The following C2 variants were observed in gnomAD, a reference collection of about 807,000 sequenced individuals.
C2 encodes complement C2, also known as C3/C5 convertase.
A neutral mutation model predicts 85.2 loss-of-function variants in C2; 64 were observed. The observed-to-expected ratio is 0.75, with a 90% CI of 0.61 to 0.92. C2 has a LOEUF of 0.92. C2 is among the 40% of genes least tolerant of loss of function. The pLI is 0.00. For synonymous variants in C2, 311 were observed against 370.8 expected (o/e 0.84, Z 1.85); for missense variants, 820 against 971.6 (o/e 0.84, Z 2.07).
At position 31,945,480 on chromosome 6, in the gene C2, C is replaced by A; in HGVS notation, c.*123C>A. On this transcript the variant is annotated 3_prime_UTR_variant, in exon 18 of 18. Coordinates refer to ENST00000299367, the MANE Select transcript of C2 (RefSeq NM_000063.6). This position sits in a 1 kb window ranked among gnomAD's most constrained non-coding sequence, Gnocchi z 5.3. ...CTCCTAGCTGAGTAAATCCGGGTCTCTAGGATGCCAGAGGCAGCGCACACA... is the reference window on the plus strand; with the variant it reads ...CTCCTAGCTGAGTAAATCCGGGTCTATAGGATGCCAGAGGCAGCGCACACA... 1 of 978,460 alleles carries A rather than the reference C, an allele frequency of 1.0e-6. No homozygotes were observed. The highest frequency in any genetic ancestry group is 1.6e-6 in the Non-Finnish European group (1 of 628,244). 60.6% of individuals were successfully genotyped at this position (978,460 alleles called of 1,614,324 possible).
At chr6:31,909,174 A>G (rs1767924538) in intron 1 of C2, among the ~76,000 whole-genome samples, 1 of 151,870 alleles carries the variant, frequency 6.6e-6, no homozygotes, top group Admixed American at 6.6e-5. Flanking sequence ...TAATTCATTC[A>G]TTGTCTTTTA....
Position 31,945,523 on chromosome 6 carries a change from G to A in C2, c.*166G>A, listed in dbSNP as rs1203016545. Reference sequence around the variant, plus strand: ...CGCACACAAGCTGGGAAATCCTCAGGGCTCCTACCAGCAGGACTGCCTCGC... The same window carrying A: ...CGCACACAAGCTGGGAAATCCTCAGAGCTCCTACCAGCAGGACTGCCTCGC... On this transcript the variant is annotated 3_prime_UTR_variant, in exon 18 of 18. Transcript: ENST00000299367. This position sits in a 1 kb window ranked among gnomAD's most constrained non-coding sequence, Gnocchi z 5.3. 1.4e-6 allele frequency: 1 copy of A among 701,454 alleles called. No homozygotes were observed. The highest frequency in any genetic ancestry group is 1.7e-5 in the African/African-American group (1 of 57,250). The allele number at this position is 701,454 out of a possible 1,614,324, so 43.5% of individuals were successfully genotyped here. A position where few individuals can be genotyped will look rare whatever the true frequency, so the allele number is the denominator to read the frequency against.
At chr6:31,940,238 C>T (rs1056262736) in intron 9 of C2, among the ~76,000 whole-genome samples, 1 of 152,186 alleles carries the variant, frequency 6.6e-6, no homozygotes, top group Non-Finnish European at 1.5e-5. Flanking sequence ...GATGCTCAGA[C>T]AAACACTGCC....
chr6:31,901,803 C>A (rs1767310999), intron 1 of C2: 2 of 161,814 alleles, frequency 1.2e-5, no homozygotes, highest in Admixed American at 6.0e-5. Context: ...CACGCCCCCC[C>A]AGCCCCACGA....
At chr6:31,936,084 G>T (rs773920592) in intron 7 of C2, 23 bp downstream of exon 7, 2 of 1,612,326 alleles carry the variant, frequency 1.2e-6, no homozygotes, top group Non-Finnish European at 1.7e-6. Flanking sequence ...TCACGTGATG[G>T]TGATGAGAGA....
rs1299458053 is a variant in C2 at position 31,904,427 on chromosome 6, C to T, written c.73+3288C>T. ...TTCCCAGGTTCAAGTGATTCTCCTGCCTCAACCTCCCAAGTAGCTGGGATT... is the reference window on the plus strand; with the variant it reads ...TTCCCAGGTTCAAGTGATTCTCCTGTCTCAACCTCCCAAGTAGCTGGGATT... On this transcript the variant is annotated intron_variant, in intron 1 of 3. Transcript: ENST00000452202. This position sits in a 1 kb window ranked among gnomAD's most constrained non-coding sequence, Gnocchi z 4.4. 6.6e-6 allele frequency among the ~76,000 whole-genome samples: 1 copy of T among 152,030 alleles called. No homozygotes were observed. The highest frequency in any genetic ancestry group is 2.4e-5 in the African/African-American group (1 of 41,338).
intron 1 of C2, among the ~76,000 whole-genome samples, chr6:31,914,326 C>T (rs1247341640): frequency 8.9e-4 from 130 of 145,258 alleles, no homozygotes; most frequent in Middle Eastern, 8.3e-3. Flanking sequence ...GGCGCGGTGG[C>T]TCACTCCTGT....
Position 31,920,783 on chromosome 6 carries a change from G to T in C2, c.-100+757G>T, listed in dbSNP as rs1768909350. On this transcript the variant is annotated intron_variant, in intron 1 of 3. Transcript: ENST00000413154. This position sits in a 1 kb window ranked among gnomAD's most constrained non-coding sequence, Gnocchi z 5.6. ...AGATATGGCGCCTACAGGAGGTCAG[G>T]GACAGGCCTTCTGTTTCTTGGGAGG... 6.6e-6 allele frequency among the ~76,000 whole-genome samples: 1 copy of T among 152,146 alleles called. No homozygotes were observed. Among genetic ancestry groups the T allele is most frequent in the Non-Finnish European group, 1.5e-5 (1 of 68,024 alleles).
intron 1 of C2, among the ~76,000 whole-genome samples, chr6:31,914,163 G>C (rs1026579954): frequency 4.0e-5 from 6 of 151,558 alleles, no homozygotes; most frequent in African/African-American, 1.5e-4. Flanking sequence ...CGCCTGCCTC[G>C]GCCTCTCAAA....
rs149378221 is a variant in C2 at position 31,943,455 on chromosome 6, G to A, written c.1495G>A (p.Asp499Asn). The A allele has an allele frequency of 1.1e-4, 177 of 1,613,056 alleles. No individual in the cohort carries two copies. Among genetic ancestry groups the A allele is most frequent in the Non-Finnish European group, 1.2e-4 (142 of 1,180,036 alleles). The change falls in exon 12 of 18, where the codon GAC becomes AAC. Residue 499 changes from aspartate (D) to asparagine (N), a missense_variant. Transcript: ENST00000299367. This position sits in a 1 kb window ranked among gnomAD's most constrained non-coding sequence, Gnocchi z 6.4. Reference sequence around the variant, plus strand: ...GACCTGCCGGGGGGCCCTCATCTCCGACCAATGGGTCCTGACAGCAGCTCA... The same window carrying A: ...GACCTGCCGGGGGGCCCTCATCTCCAACCAATGGGTCCTGACAGCAGCTCA... ...QETCRGALIS[D>N]QWVLTAAHCF...
rs902596855 is a variant in C2, at chr6:31,935,611, A to G, written c.850-312A>G. Among the ~76,000 whole-genome samples, 1 of 152,046 alleles carries G rather than the reference A, an allele frequency of 6.6e-6. No individual in the cohort carries two copies. The highest frequency in any genetic ancestry group is 1.5e-5 in the Non-Finnish European group (1 of 68,022). The stretch of plus-strand genomic sequence containing the variant: ...CAGCCTCCTGAGTAGCTGGGATTAT[A>G]GGTGCTTGCCACCATACCAGGCTAA... On this transcript the variant is annotated intron_variant, in intron 6 of 17. Transcript: ENST00000299367. This position sits in a 1 kb window ranked among gnomAD's most constrained non-coding sequence, Gnocchi z 4.3.
rs1562583445 is a variant in C2 at position 31,928,077 on chromosome 6, C to T, written c.169C>T (p.Pro57Ser). ...LTYSCPQGLYPSPASRLCKSS... is the reference protein window; with the variant it reads ...LTYSCPQGLYSSPASRLCKSS... ...CTACTCCTGCCCCCAGGGCCTGTAC[C>T]CATCCCCAGCATCACGGCTGTGCAA... Residue 57 changes from proline (P) to serine (S), a missense_variant, in exon 2 of 18, where the codon CCA (proline) becomes TCA (serine). Coordinates refer to ENST00000299367, the MANE Select transcript of C2 (RefSeq NM_000063.6). 1 of 1,614,000 alleles carries T rather than the reference C, an allele frequency of 6.2e-7. No individual in the cohort carries two copies. Among genetic ancestry groups the T allele is most frequent in the Non-Finnish European group, 8.5e-7 (1 of 1,180,018 alleles).
At chr6:31,914,984 T>C (rs905668204), upstream of C2, among the ~76,000 whole-genome samples, 1 of 152,138 alleles carries the variant, frequency 6.6e-6, no homozygotes, top group Non-Finnish European at 1.5e-5. Context: ...CCAGGTGTTC[T>C]GAGAGTCAGA....
upstream of C2, among the ~76,000 whole-genome samples, chr6:31,919,252 C>T (rs969008121): frequency 6.6e-6 from 1 of 151,302 alleles, no homozygotes; most frequent in Non-Finnish European, 1.5e-5. Context: ...TCAAGCAATT[C>T]TCCTGCCTCA....
intron 8 of C2, among the ~76,000 whole-genome samples, chr6:31,938,182 G>A (rs1010852478): frequency 3.9e-5 from 6 of 152,032 alleles, no homozygotes; most frequent in African/African-American, 1.5e-4. Context: ...CCATCTGGGA[G>A]GTAACTTGGA....
At chr6:31,924,470 G>T (rs1024209053), upstream of C2, among the ~76,000 whole-genome samples, 6 of 152,076 alleles carry the variant, frequency 3.9e-5, no homozygotes, top group Non-Finnish European at 5.9e-5. Flanking sequence ...CATTCCAGCT[G>T]GTGGGAAGGG....
upstream of C2, among the ~76,000 whole-genome samples, chr6:31,918,866 G>C (rs1472933811): frequency 7.8e-6 from 1 of 127,868 alleles, no homozygotes; most frequent in Non-Finnish European, 1.6e-5. Flanking sequence ...CTGGGTGACA[G>C]AGCAAGACTC....
Position 31,943,383 on chromosome 6 carries a change from T to C in C2, c.1456-33T>C. On this transcript the variant is annotated intron_variant, in intron 11 of 17. Transcript: ENST00000299367. The surrounding 1 kb of genome is among the most constrained non-coding windows in gnomAD (Gnocchi z 6.4). Reference sequence around the variant, plus strand: ...AAAAGCGGCCATGGGCCAGACATACTGCAATCTCTGAAAATCACCTGTTCC... The same window carrying C: ...AAAAGCGGCCATGGGCCAGACATACCGCAATCTCTGAAAATCACCTGTTCC... The C allele has an allele frequency of 6.2e-7, 1 of 1,609,412 alleles. No individual in the cohort carries two copies. The highest frequency in any genetic ancestry group is 8.5e-7 in the Non-Finnish European group (1 of 1,176,692).
Position 31,943,966 on chromosome 6 carries a change from C to A in C2, c.1783C>A (p.Pro595Thr). 1 of 1,613,018 alleles carries A rather than the reference C, an allele frequency of 6.2e-7. No individual in the cohort carries two copies. Among genetic ancestry groups the A allele is most frequent in the Non-Finnish European group, 8.5e-7 (1 of 1,180,022 alleles). ...TMEANLALRR[P>T]QGSTCRDHEN... ...GGAGGCCAATCTGGCTCTGCGGAGA[C>A]CTCAAGGCAGCACCTGTAGGGACCA... The change falls in exon 14 of 18, where the codon CCT becomes ACT. Residue 595 changes from proline to threonine, a missense_variant. By Grantham distance (38) the Pro-to-Thr change is conservative. Coordinates refer to ENST00000299367, the MANE Select transcript of C2 (RefSeq NM_000063.6). The surrounding 1 kb of genome is among the most constrained non-coding windows in gnomAD (Gnocchi z 6.4).
Sources: gnomAD v4.1 joint callset for allele counts (sites outside exome capture counted in the v4.1 genomes callset) on GRCh38, gnomAD v4.1.1 for gene constraint, Gnocchi (gnomAD v3.1) non-coding constraint, MANE v1.5 for transcripts, NCBI Gene and HGNC (gene_info 2026-07-23, HGNC 2026-07-21) for gene names.